DLGAP4: variants seen among roughly 807,000 people sequenced by gnomAD.
DLGAP4 encodes the protein disks large-associated protein 4.
Under a neutral mutation model 86.9 loss-of-function variants are expected in DLGAP4, and 18 were observed. The ratio of observed to expected loss-of-function variants is 0.21; its 90% CI spans 0.14 to 0.31. The LOEUF (loss-of-function observed/expected upper bound fraction) is 0.31, where lower values mean the gene tolerates loss of function less well. Among genes scored for constraint, DLGAP4 ranks in the 10% least tolerant of loss-of-function variants. The pLI, the probability that DLGAP4 is intolerant of heterozygous loss-of-function variation, is 1.00. For synonymous variants in DLGAP4, 548 were observed against 574.3 expected (o/e 0.95, Z 0.65); for missense variants, 1,085 against 1,362.6 (o/e 0.80, Z 3.21).
At chr20:36,523,048 G>C (rs887516328) in intron 10 of DLGAP4, among the ~76,000 whole-genome samples, 1 of 152,196 alleles carries the variant, frequency 6.6e-6, no homozygotes, top group African/African-American at 2.4e-5. Context: ...TTTATACCCC[G>C]TGGCCTAGGC....
chr20:36,410,419 G>A (rs911650192), intron 2 of DLGAP4, among the ~76,000 whole-genome samples: 12 of 152,196 alleles, frequency 7.9e-5, no homozygotes, highest in Admixed American at 6.5e-4. Context: ...TCTGAGATAT[G>A]TGTTCTACCT....
intron 7 of DLGAP4, among the ~76,000 whole-genome samples, chr20:36,448,543 G>A (rs1397532966): frequency 6.6e-6 from 1 of 152,212 alleles, no homozygotes; most frequent in Admixed American, 6.5e-5. Context: ...CTGTGCATAG[G>A]ACATGTTTAG....
At chr20:36,408,015 A>C (rs1361940160) in intron 2 of DLGAP4, among the ~76,000 whole-genome samples, 1 of 151,936 alleles carries the variant, frequency 6.6e-6, no homozygotes, top group Non-Finnish European at 1.5e-5. Flanking sequence ...GAAGTCTGGG[A>C]CATCAGAATG....
intron 7 of DLGAP4, among the ~76,000 whole-genome samples, chr20:36,481,408 T>C (rs1001032913): frequency 1.3e-4 from 20 of 152,170 alleles, no homozygotes; most frequent in Non-Finnish European, 2.8e-4. Context: ...AGGGTGACCA[T>C]CCTAGCCTCT....
intron 1 of DLGAP4, among the ~76,000 whole-genome samples, chr20:36,360,898 G>A (rs546073145): frequency 6.6e-6 from 1 of 152,198 alleles, no homozygotes; most frequent in Non-Finnish European, 1.5e-5. Flanking sequence ...ACATGGGGGT[G>A]TGACGGGCCA....
In DLGAP4 at chr20:36,393,154, A is replaced by T. The variant is rs1045077505; in HGVS notation, c.-73+25879A>T. Among the ~76,000 whole-genome samples the T allele has an allele frequency of 6.6e-6, 1 of 151,946 alleles. No homozygotes were observed. Among genetic ancestry groups the T allele is most frequent in the Admixed American group, 6.6e-5 (1 of 15,244 alleles). On this transcript the variant is annotated intron_variant, in intron 2 of 12. Transcript: ENST00000339266. The surrounding 1 kb of genome is among the most constrained non-coding windows in gnomAD (Gnocchi z 4.4). Reference sequence around the variant, plus strand: ...AGCTCAGGGGTGAGACTAGGGTGGGACTGGAGAACTGGGAGTCATTAGGGC... The same window carrying T: ...AGCTCAGGGGTGAGACTAGGGTGGGTCTGGAGAACTGGGAGTCATTAGGGC...
intron 12 of DLGAP4, 147 bp downstream of exon 12, chr20:36,526,153 A>G (rs1019411476): frequency 1.7e-6 from 2 of 1,189,290 alleles, no homozygotes; most frequent in Non-Finnish European, 2.4e-6. Context: ...CGTGGGGTCC[A>G]TGCTTGGCAC....
intron 7 of DLGAP4, among the ~76,000 whole-genome samples, chr20:36,489,802 T>C (rs569865357): frequency 3.5e-4 from 53 of 151,162 alleles, no homozygotes; most frequent in African/African-American, 1.3e-3. Context: ...TGAGAGGGGC[T>C]GCCAGTCCCT....
chr20:36,408,822 G>C (rs780196370), intron 2 of DLGAP4, among the ~76,000 whole-genome samples: 26 of 152,168 alleles, frequency 1.7e-4, no homozygotes, highest in Admixed American at 3.3e-4. Flanking sequence ...TCCTCGACTG[G>C]ATCCTGAAAC....
chr20:36,436,430 C>A, intron 4 of DLGAP4, 80 bp downstream of exon 4: 1 of 1,453,470 alleles, frequency 6.9e-7, no homozygotes, highest in South Asian at 1.5e-5. Flanking sequence ...TGGGAGGAGC[C>A]CTGCATTAAA....
At chr20:36,515,882 C>T (rs1009756477) in intron 10 of DLGAP4, among the ~76,000 whole-genome samples, 6 of 152,234 alleles carry the variant, frequency 3.9e-5, no homozygotes, top group Non-Finnish European at 7.3e-5. Context: ...GTGATTTAAA[C>T]AAGACTGTTT....
At chr20:36,526,644 TGTCA>T (rs1435240239) in intron 12 of DLGAP4, among the ~76,000 whole-genome samples, 165 bp from the exon 13 acceptor site, 1 of 152,210 alleles carries the variant, frequency 6.6e-6, no homozygotes, top group East Asian at 1.9e-4. Flanking sequence ...CTCTTCCCAC[TGTCA>T]GTCATCGCTT....
intron 1 of DLGAP4, among the ~76,000 whole-genome samples, chr20:36,361,294 G>A (rs782249905): frequency 1.3e-5 from 2 of 152,160 alleles, no homozygotes; most frequent in African/African-American, 4.8e-5. Flanking sequence ...TGAGCTAAAA[G>A]GTTCTGTGTA....
rs767710733 is a variant in DLGAP4, at chr20:36,439,848, G to A, written c.1336G>A (p.Asp446Asn). ...DYTPVSDSLN[D>N]SSCISQIFGQ... is the part of the protein sequence containing the mutation. Reference sequence around the variant, plus strand: ...CACCCCCGTCAGCGACAGCCTCAACGACTCCAGCTGCATCAGCCAGGTGAG... The same window carrying A: ...CACCCCCGTCAGCGACAGCCTCAACAACTCCAGCTGCATCAGCCAGGTGAG... The change falls in exon 5 of 13, where the codon GAC (aspartate) becomes AAC (asparagine). Residue 446 changes from aspartate (D) to asparagine (N), a missense_variant. This residue lies in a region of DLGAP4 where 1,082 missense variants were observed against 1,344.1 expected (regional missense o/e 0.81). Coordinates refer to ENST00000339266, the MANE Select transcript of DLGAP4 (RefSeq NM_001365621.2). 3 of 1,613,438 alleles carry A rather than the reference G, an allele frequency of 1.9e-6. No individual in the cohort carries two copies. The highest frequency in any genetic ancestry group is 1.3e-5 in the African/African-American group (1 of 75,044).
intron 1 of DLGAP4, among the ~76,000 whole-genome samples, chr20:36,309,018 C>T (rs1369160329): frequency 1.3e-5 from 2 of 151,406 alleles, no homozygotes; most frequent in African/African-American, 4.9e-5. Context: ...CTCTTTGGCT[C>T]GGGTCCCCCT....
At chr20:36,366,876 G>A (rs936973456) in intron 1 of DLGAP4, among the ~76,000 whole-genome samples, 169 bp from the exon 2 acceptor site, 4 of 152,258 alleles carry the variant, frequency 2.6e-5, no homozygotes, top group South Asian at 4.2e-4. Context: ...CACATGAGCC[G>A]GGATGCCAGG....
intron 7 of DLGAP4, among the ~76,000 whole-genome samples, chr20:36,484,680 T>A (rs575195834): frequency 6.6e-6 from 1 of 152,344 alleles, no homozygotes; most frequent in South Asian, 2.1e-4. Flanking sequence ...TGCCTCCACC[T>A]CAAGGTTCCC....
At chr20:36,441,571 C>T (rs1372484233) in intron 5 of DLGAP4, among the ~76,000 whole-genome samples, 3 of 152,188 alleles carry the variant, frequency 2.0e-5, no homozygotes, top group Non-Finnish European at 4.4e-5. Flanking sequence ...GAGCGGAGGC[C>T]TTGCTGTCTT....
rs185881771 is a variant in DLGAP4, at chr20:36,513,415, G to A, written c.2513-10835G>A. On this transcript the variant is annotated intron_variant, in intron 10 of 12. Coordinates refer to ENST00000339266, the MANE Select transcript of DLGAP4 (RefSeq NM_001365621.2). ...TACAAAAAATTAGCCGGGCGCGGTG[G>A]CGGGCGCCTGTAGTCCCAGCTACTC... Among the ~76,000 whole-genome samples the A allele has an allele frequency of 2.0e-5, 3 of 150,806 alleles. 1 individual carries two copies. The highest frequency in any genetic ancestry group is 2.0e-4 in the East Asian group (1 of 5,128).
Sources: gnomAD v4.1 joint callset for allele counts (sites outside exome capture counted in the v4.1 genomes callset) on GRCh38, gnomAD v4.1.1 for gene constraint, gnomAD v4.1.1 regional missense constraint, Gnocchi (gnomAD v3.1) non-coding constraint, MANE v1.5 for transcripts, NCBI Gene and HGNC (gene_info 2026-07-23, HGNC 2026-07-21) for gene names.